LTN1: variants seen among roughly 807,000 people sequenced by gnomAD.
The protein encoded by LTN1 is E3 ubiquitin-protein ligase listerin.
LTN1 carries 88 observed loss-of-function variants against 201.2 expected under a neutral mutation model. The ratio of observed to expected loss-of-function variants is 0.44; its 90% CI spans 0.37 to 0.52. The LOEUF (loss-of-function observed/expected upper bound fraction) is 0.52, where lower values mean the gene tolerates loss of function less well. Among genes scored for constraint, LTN1 ranks in the 20% least tolerant of loss-of-function variants. The probability of loss-of-function intolerance (pLI) is 0.00; values close to 1 mark genes in which losing one functional copy is unlikely to be tolerated. For missense variants in LTN1, 1,752 were observed against 2,038.7 expected (o/e 0.86, Z 2.71); for synonymous variants, 645 against 713.5 (o/e 0.90, Z 1.53).
At chr21:28,965,420 CA>C (rs2084513558) in intron 11 of LTN1, among the ~76,000 whole-genome samples, 1 of 152,108 alleles carries the variant, frequency 6.6e-6, no homozygotes, top group East Asian at 1.9e-4. Flanking sequence ...GGCAATCACA[CA>C]AAGACTGGAA....
chr21:28,973,042 A>G (rs931592346), intron 6 of LTN1, among the ~76,000 whole-genome samples: 1 of 152,182 alleles, frequency 6.6e-6, no homozygotes, highest in African/African-American at 2.4e-5. Context: ...CTCAGCAAAT[A>G]TGTCTTTCAA....
At chr21:28,946,638 G>A (rs758572662) in intron 19 of LTN1, among the ~76,000 whole-genome samples, 1 of 152,172 alleles carries the variant, frequency 6.6e-6, no homozygotes, top group Non-Finnish European at 1.5e-5. Context: ...CTACAGAGTA[G>A]CTGGAAACAG....
At chr21:28,955,888 A>T (rs1411256640) in intron 16 of LTN1, among the ~76,000 whole-genome samples, 1 of 142,956 alleles carries the variant, frequency 7.0e-6, no homozygotes, top group Non-Finnish European at 1.5e-5. Context: ...GCGCCACTGC[A>T]CTCAAGCCTG....
rs1232574001 is a variant in LTN1 at position 28,965,922 on chromosome 21, GAGTT to G, written c.2122-20_2122-17del. On this transcript the variant is annotated splice_polypyrimidine_tract_variant and intron_variant, in intron 10 of 29. Transcript: ENST00000361371. ...TCAAGTCCACCTGAAAAAAGAAAAAGAGTTAGAAACAATCTGCTAGAACAACTTT... is the reference window on the plus strand; with the variant it reads ...TCAAGTCCACCTGAAAAAAGAAAAAGAGAAACAATCTGCTAGAACAACTTT... The G allele has an allele frequency of 3.3e-6, 5 of 1,514,444 alleles. No homozygotes were observed. Among genetic ancestry groups the G allele is most frequent in the Non-Finnish European group, 4.5e-6 (5 of 1,105,082 alleles). 93.8% of individuals were successfully genotyped at this position (1,514,444 alleles called of 1,614,324 possible). A position where few individuals can be genotyped will look rare whatever the true frequency, so the allele number is the denominator to read the frequency against.
chr21:28,989,251 G>C (rs2084726285), intron 1 of LTN1, among the ~76,000 whole-genome samples: 1 of 152,064 alleles, frequency 6.6e-6, no homozygotes, highest in African/African-American at 2.4e-5. Flanking sequence ...AGGAGTTGAG[G>C]CTGAAATAAC....
intron 1 of LTN1, among the ~76,000 whole-genome samples, chr21:28,992,273 G>C (rs1347784981): frequency 6.6e-6 from 1 of 152,146 alleles, no homozygotes; most frequent in Non-Finnish European, 1.5e-5. Flanking sequence ...CTGAAGATGG[G>C]ACTGCAGATG....
Position 28,958,498 on chromosome 21 carries a change from C to T in LTN1, c.2635G>A (p.Val879Ile), listed in dbSNP as rs1421296519. The change falls in exon 14 of 30, where the codon GTA (valine) becomes ATA (isoleucine). Residue 879 changes from valine to isoleucine, a missense_variant. By Grantham distance (29) the Val-to-Ile change is conservative. This residue lies in a region of LTN1 where 1,211 missense variants were observed against 1,312.8 expected (regional missense o/e 0.92). Coordinates refer to ENST00000361371, the MANE Select transcript of LTN1 (RefSeq NM_015565.3). ...CKLKNTWLSG[V>I]NLLVHQTDSS... The stretch of plus-strand genomic sequence containing the variant: ...TCAGTTTGATGAACCAATAAATTTA[C>T]ACCAGAGAGCCAAGTATTTTTCAGT... 8.1e-6 allele frequency: 13 copies of T among 1,609,336 alleles called. No individual in the cohort carries two copies. The highest frequency in any genetic ancestry group is 2.2e-5 in the South Asian group (2 of 90,274).
At chr21:28,938,276 A>G (rs1207752133) in intron 25 of LTN1, among the ~76,000 whole-genome samples, 1 of 152,196 alleles carries the variant, frequency 6.6e-6, no homozygotes, top group African/African-American at 2.4e-5. Flanking sequence ...CCGTGATCTT[A>G]GGAGATATAT....
intron 13 of LTN1, among the ~76,000 whole-genome samples, chr21:28,958,745 A>C (rs974385659): frequency 4.6e-5 from 7 of 152,246 alleles, no homozygotes; most frequent in Non-Finnish European, 1.0e-4. Context: ...CGTATCATAT[A>C]AATGTAAAAT....
chr21:28,938,426 AGTAT>A (rs2084273081), intron 25 of LTN1, among the ~76,000 whole-genome samples: 1 of 152,184 alleles, frequency 6.6e-6, no homozygotes, highest in Admixed American at 6.5e-5. Context: ...TATCTAAAAG[AGTAT>A]GTGATTTTCC....
In LTN1 at chr21:28,982,350, T is replaced by C. The variant is rs369710979; in HGVS notation, c.595A>G (p.Ile199Val). ...EITSVLQDHLIKETPDTLSDP... is the reference protein window; with the variant it reads ...EITSVLQDHLVKETPDTLSDP... ...CTGAGTGTATCAGGTGTTTCTTTTA[T>C]AAGATGATCCTGCAGCACCTACAAA... is the stretch of plus-strand genomic sequence containing the variant. The change falls in exon 5 of 30, where the codon ATA becomes GTA. Residue 199 changes from isoleucine to valine, a missense_variant. Ile to Val is a conservative substitution (Grantham distance 29). Coordinates refer to ENST00000361371, the MANE Select transcript of LTN1 (RefSeq NM_015565.3). 3.7e-6 allele frequency: 6 copies of C among 1,613,742 alleles called. No homozygotes were observed. The African/African-American group carries it at 6.7e-5, about 18-fold the overall frequency.
At position 28,986,270 on chromosome 21, in the gene LTN1, A is replaced by G; in HGVS notation, c.247-33T>C. 1 of 1,246,118 alleles carries G rather than the reference A, an allele frequency of 8.0e-7. No individual in the cohort carries two copies. Among genetic ancestry groups the G allele is most frequent in the Non-Finnish European group, 1.2e-6 (1 of 851,472 alleles). 77.2% of individuals were successfully genotyped at this position (1,246,118 alleles called of 1,614,324 possible). On this transcript the variant is annotated intron_variant, in intron 2 of 29. Transcript: ENST00000361371. The surrounding 1 kb of genome is among the most constrained non-coding windows in gnomAD (Gnocchi z 4.1). ...TAAGTTATTAACATCATTAGGATTA[A>G]CAACCATAATAACTGGCTATAGATT...
chr21:28,975,012 T>C (rs2084604184), intron 6 of LTN1, among the ~76,000 whole-genome samples: 1 of 151,944 alleles, frequency 6.6e-6, no homozygotes. Context: ...TGGATAAATA[T>C]AAAATAAACC....
At chr21:28,982,478 TCTTAC>T (rs1380107223) in intron 4 of LTN1, 110 bp from the exon 5 acceptor site, 3 of 783,422 alleles carry the variant, frequency 3.8e-6, no homozygotes, top group African/African-American at 1.8e-5. Flanking sequence ...ATAAACATCA[TCTTAC>T]CTAAGAGCAG....
chr21:28,977,791 G>A (rs918588987), intron 6 of LTN1, among the ~76,000 whole-genome samples: 2 of 152,098 alleles, frequency 1.3e-5, no homozygotes, highest in Admixed American at 6.5e-5. Flanking sequence ...AGCCAGGCGT[G>A]GTGGTGGGCA....
Position 28,986,516 on chromosome 21 carries a change from T to C in LTN1, c.246+215A>G, listed in dbSNP as rs1189067021. On this transcript the variant is annotated intron_variant, in intron 2 of 29. Transcript: ENST00000361371. The surrounding 1 kb of genome is among the most constrained non-coding windows in gnomAD (Gnocchi z 4.1). Reference sequence around the variant, plus strand: ...ATGGGAAAAACTATACAGCCAAAATTCCAAAGCACTTTAAAAAAGTTCACT... The same window carrying C: ...ATGGGAAAAACTATACAGCCAAAATCCCAAAGCACTTTAAAAAAGTTCACT... 2 of 651,466 alleles carry C rather than the reference T, an allele frequency of 3.1e-6. No homozygotes were observed. The highest frequency in any genetic ancestry group is 3.7e-5 in the African/African-American group (2 of 54,404). 40.4% of individuals were successfully genotyped at this position (651,466 alleles called of 1,614,324 possible). A position where few individuals can be genotyped will look rare whatever the true frequency, so the allele number is the denominator to read the frequency against.
At position 28,982,319 on chromosome 21, in the gene LTN1, G is replaced by C; in HGVS notation, c.626C>G (p.Pro209Arg). 1 of 1,611,886 alleles carries C rather than the reference G, an allele frequency of 6.2e-7. No homozygotes were observed. Among genetic ancestry groups the C allele is most frequent in the Non-Finnish European group, 8.5e-7 (1 of 1,178,068 alleles). ...ACAATGAAACAATACAACTTACTGCGGGTCACTGAGTGTATCAGGTGTTTC... is the reference window on the plus strand; with the variant it reads ...ACAATGAAACAATACAACTTACTGCCGGTCACTGAGTGTATCAGGTGTTTC... ...IKETPDTLSD[P>R]QTVPEEEREA... Residue 209 changes from proline (P) to arginine (R), a missense_variant, in exon 5 of 30, where the codon CCG becomes CGG. This residue lies in a region of LTN1 where 280 missense variants were observed against 375.7 expected (regional missense o/e 0.75). Transcript: ENST00000361371.
At chr21:28,960,744 A>G in intron 11 of LTN1, 38 bp from the exon 12 acceptor site, 9 of 1,398,050 alleles carry the variant, frequency 6.4e-6, no homozygotes, top group Non-Finnish European at 9.1e-6. Context: ...TAACAGCAAG[A>G]TCAAATACTC....
intron 21 of LTN1, 61 bp downstream of exon 21, chr21:28,945,746 T>C: frequency 2.0e-6 from 3 of 1,471,586 alleles, no homozygotes; most frequent in Non-Finnish European, 1.9e-6. Flanking sequence ...TAGTAAATAG[T>C]TCTGATGCAA....
Sources: allele counts gnomAD v4.1 joint callset (sites outside exome capture counted in the v4.1 genomes callset), GRCh38; gene constraint gnomAD v4.1.1; regional missense constraint gnomAD v4.1.1; non-coding constraint Gnocchi (gnomAD v3.1); transcripts MANE v1.5; gene names NCBI Gene and HGNC (gene_info 2026-07-23, HGNC 2026-07-21).